TRAPPC9: variants seen among roughly 807,000 people sequenced by gnomAD.
TRAPPC9 encodes the protein trafficking protein particle complex subunit 9.
In TRAPPC9, 83 loss-of-function variants were observed where a neutral mutation model predicts 124.0. That is an observed-to-expected ratio of 0.67 (90% CI 0.56 to 0.80). The LOEUF (loss-of-function observed/expected upper bound fraction) is 0.80. Among genes scored for constraint, TRAPPC9 ranks in the 30% least tolerant of loss-of-function variants. The pLI is 0.00. For synonymous variants in TRAPPC9, 638 were observed against 617.5 expected, an observed-to-expected ratio of 1.03 and a Z score of -0.49; for missense variants, 1,302 against 1,508.3, an observed-to-expected ratio of 0.86 and a Z score of 2.27.
chr8:139,816,016 C>T (rs1201592646), intron 21 of TRAPPC9, among the ~76,000 whole-genome samples: 1 of 152,210 alleles, frequency 6.6e-6, no homozygotes, highest in African/African-American at 2.4e-5. Flanking sequence ...GGGTGGATTC[C>T]CGAGCCTGGA....
Position 140,363,375 on chromosome 8 carries a change from T to C in TRAPPC9, c.1352-3182A>G, listed in dbSNP as rs563399388. On this transcript the variant is annotated intron_variant, in intron 8 of 22. Transcript: ENST00000438773. The stretch of plus-strand genomic sequence containing the variant: ...TTTGGGACCTGAGAATACAGACAAT[T>C]TGCCTTTTATTTACAGGTACAGGGT... Among the ~76,000 whole-genome samples the C allele has an allele frequency of 2.1e-3, 322 of 152,354 alleles. 1 individual carries two copies. Among genetic ancestry groups the C allele is most frequent in the Non-Finnish European group, 1.8e-3 (123 of 68,034 alleles).
intron 17 of TRAPPC9, among the ~76,000 whole-genome samples, chr8:140,122,255 A>T (rs1463152708): frequency 6.6e-6 from 1 of 152,168 alleles, no homozygotes; most frequent in Non-Finnish European, 1.5e-5. Flanking sequence ...GAGCTTAGAA[A>T]CAGATCCAAC....
At chr8:139,852,184 G>GC (rs1428917153) in intron 21 of TRAPPC9, among the ~76,000 whole-genome samples, 10 of 152,090 alleles carry the variant, frequency 6.6e-5, no homozygotes, top group Admixed American at 2.0e-4. Context: ...GCTCCTCCTT[G>GC]CCTTCCACCA....
Position 140,252,994 on chromosome 8 carries a change from C to T in TRAPPC9, c.2279-65G>A, listed in dbSNP as rs2064164660. 1 of 1,539,950 alleles carries T rather than the reference C, an allele frequency of 6.5e-7. No homozygotes were observed. Among genetic ancestry groups the T allele is most frequent in the East Asian group, 2.2e-5 (1 of 44,536 alleles). On this transcript the variant is annotated intron_variant, in intron 15 of 22. Coordinates refer to ENST00000438773, the MANE Select transcript of TRAPPC9 (RefSeq NM_001160372.4). This position sits in a 1 kb window ranked among gnomAD's most constrained non-coding sequence, Gnocchi z 4.2. ...TGAGGCAGTATGGGACTTACCAATC[C>T]CCTAGAAAATTCTGATGCATTCTCA...
chr8:140,395,427 C>T (rs998650386), intron 7 of TRAPPC9, among the ~76,000 whole-genome samples: 1 of 152,132 alleles, frequency 6.6e-6, no homozygotes, highest in Non-Finnish European at 1.5e-5. Flanking sequence ...TTAAACATCT[C>T]GTCAAGGGAA....
intron 9 of TRAPPC9, among the ~76,000 whole-genome samples, chr8:140,316,360 C>A (rs575867113): frequency 6.6e-6 from 1 of 152,124 alleles, no homozygotes; most frequent in African/African-American, 2.4e-5. Flanking sequence ...CTCCTATGAA[C>A]AAAATTTAGA....
At chr8:139,941,785 A>G (rs1833937043) in intron 19 of TRAPPC9, among the ~76,000 whole-genome samples, 1 of 152,190 alleles carries the variant, frequency 6.6e-6, no homozygotes, top group Non-Finnish European at 1.5e-5. Context: ...GGCAGAGGGC[A>G]TATTCCACTC....
chr8:140,134,219 T>A (rs1437811528), intron 17 of TRAPPC9, among the ~76,000 whole-genome samples: 1 of 152,126 alleles, frequency 6.6e-6, no homozygotes, highest in Non-Finnish European at 1.5e-5. Flanking sequence ...AGAATAAGAT[T>A]GAGAGTCAAG....
At chr8:140,448,436 C>T (rs2071344760) in intron 2 of TRAPPC9, among the ~76,000 whole-genome samples, 2 of 152,236 alleles carry the variant, frequency 1.3e-5, no homozygotes, top group Non-Finnish European at 2.9e-5. Flanking sequence ...AGCACACTCC[C>T]GCTCCTCCTG....
chr8:140,085,177 T>G (rs1844105977), intron 17 of TRAPPC9, among the ~76,000 whole-genome samples: 1 of 152,112 alleles, frequency 6.6e-6, no homozygotes, highest in Non-Finnish European at 1.5e-5. Flanking sequence ...TCCCCGACGC[T>G]CCACAGTCTC....
chr8:139,739,523 C>T (rs1187758523), intron 21 of TRAPPC9, among the ~76,000 whole-genome samples: 1 of 152,246 alleles, frequency 6.6e-6, no homozygotes, highest in Non-Finnish European at 1.5e-5. Context: ...CTCCCCGCCA[C>T]TGCTCCCTGG....
At chr8:140,001,028 T>G (rs1210766909) in intron 18 of TRAPPC9, among the ~76,000 whole-genome samples, 1 of 152,196 alleles carries the variant, frequency 6.6e-6, no homozygotes. Context: ...GTGGCACATA[T>G]ATACCATGGA....
chr8:140,429,605 C>T lies in TRAPPC9; in HGVS notation c.860-2964G>A, dbSNP rs192824780. Among the ~76,000 whole-genome samples, 694 of 150,086 alleles carry T rather than the reference C, an allele frequency of 4.6e-3. 6 individuals are homozygous for T. The highest frequency in any genetic ancestry group is 0.015 in the African/African-American group (598 of 40,880). On this transcript the variant is annotated intron_variant, in intron 4 of 22. Coordinates refer to ENST00000438773, the MANE Select transcript of TRAPPC9 (RefSeq NM_001160372.4). ...TGGATCACTTGAGGTCAGGAGTTTG[C>T]GACCAGCCTGGCCAACATGGTGAAC...
At chr8:139,820,464 G>T (rs1045895257) in intron 21 of TRAPPC9, among the ~76,000 whole-genome samples, 1 of 152,198 alleles carries the variant, frequency 6.6e-6, no homozygotes. Context: ...ACAGGCATGA[G>T]CCACCACACC....
At chr8:140,341,085 T>C (rs747714257) in intron 9 of TRAPPC9, among the ~76,000 whole-genome samples, 3 of 152,192 alleles carry the variant, frequency 2.0e-5, no homozygotes, top group Non-Finnish European at 4.4e-5. Context: ...ACTGGGCTTA[T>C]TAAGCATTTA....
chr8:140,301,856 C>A (rs2065988336), intron 10 of TRAPPC9, among the ~76,000 whole-genome samples: 1 of 152,162 alleles, frequency 6.6e-6, no homozygotes, highest in African/African-American at 2.4e-5. Context: ...GGAGGCTGGA[C>A]ATTGAGAAGG....
intron 17 of TRAPPC9, among the ~76,000 whole-genome samples, chr8:140,039,187 C>T (rs1052177490): frequency 6.6e-6 from 1 of 152,228 alleles, no homozygotes; most frequent in African/African-American, 2.4e-5. Context: ...CTTTTACTGT[C>T]CACGGCCTGT....
At position 140,313,307 on chromosome 8, in the gene TRAPPC9, C is replaced by CT. The variant is rs143051154; in HGVS notation, c.1496-1934dup. ...TGAATTCTACCACCCCATACACACT[C>CT]TCGGTAAATGCTGCTGAAATAAAGG... On this transcript the variant is annotated intron_variant, in intron 9 of 22. Coordinates refer to ENST00000438773, the MANE Select transcript of TRAPPC9 (RefSeq NM_001160372.4). Among the ~76,000 whole-genome samples, 1,499 of 152,288 alleles carry CT rather than the reference C, an allele frequency of 9.8e-3. 14 individuals carry two copies. The highest frequency in any genetic ancestry group is 0.016 in the Non-Finnish European group (1,118 of 68,026).
intron 17 of TRAPPC9, among the ~76,000 whole-genome samples, chr8:140,147,489 T>C (rs1007113831): frequency 2.0e-5 from 3 of 152,234 alleles, no homozygotes; most frequent in African/African-American, 7.2e-5. Flanking sequence ...GAGCTGGCCG[T>C]GTCAGACAAG....
Sources: gnomAD v4.1 joint callset for allele counts (sites outside exome capture counted in the v4.1 genomes callset) on GRCh38, gnomAD v4.1.1 for gene constraint, Gnocchi (gnomAD v3.1) non-coding constraint, MANE v1.5 for transcripts, NCBI Gene and HGNC (gene_info 2026-07-23, HGNC 2026-07-21) for gene names.